The following CACNG8 variants were observed in gnomAD, a reference collection of about 807,000 sequenced individuals.
CACNG8 encodes the protein calcium voltage-gated channel auxiliary subunit gamma 8.
Under a neutral mutation model 26.9 loss-of-function variants are expected in CACNG8, and 5 were observed. That is an observed-to-expected ratio of 0.19 (90% CI 0.10 to 0.39). The LOEUF is 0.39. Ranked by LOEUF, CACNG8 falls within the 10% of genes least tolerant of loss-of-function variation. CACNG8 has a pLI of 1.00. For missense variants in CACNG8, 473 were observed against 609.4 expected (o/e 0.78, Z 2.36); for synonymous variants, 321 against 296.7 (o/e 1.08, Z -0.84).
At position 53,986,496 on chromosome 19, in the gene CACNG8, T is replaced by TG. The variant is rs1252532856; in HGVS notation, c.*3650dup. 10 of 152,264 alleles carry TG rather than the reference T, an allele frequency of 6.6e-5. No homozygotes were observed. The highest frequency in any genetic ancestry group is 1.9e-4 in the African/African-American group (8 of 41,564). The allele number at this position is 152,264 out of a possible 1,614,324, so 9.4% of individuals were successfully genotyped here. A position where few individuals can be genotyped will look rare whatever the true frequency, so the allele number is the denominator to read the frequency against. ...GCTCATGCCTGTAATCCCAGCACTT[T>TG]GGGAGGCCGAGGCTGGTGGATCACT... is the stretch of plus-strand genomic sequence containing the variant. On this transcript the variant is annotated 3_prime_UTR_variant, in exon 4 of 4. Transcript: ENST00000270458.
chr19:53,982,771 G>T lies in CACNG8; in HGVS notation c.1200G>T (p.Ala400=). 7.8e-7 allele frequency: 1 copy of T among 1,274,060 alleles called. No individual in the cohort carries two copies. The highest frequency in any genetic ancestry group is 9.9e-7 in the Non-Finnish European group (1 of 1,008,824). The allele number at this position is 1,274,060 out of a possible 1,614,324, so 78.9% of individuals were successfully genotyped here. ...CGCCCGCGCCACCCGCGCCCTCTGC[G>T]CCCGCCCCCGGGACCCTGGCCAAGG... Residue 400 remains alanine (A), a synonymous_variant, in exon 4 of 4, where the codon GCG becomes GCT. Transcript: ENST00000270458. This position sits in a 1 kb window ranked among gnomAD's most constrained non-coding sequence, Gnocchi z 8.4.
chr19:53,979,929 G>C lies in CACNG8; in HGVS notation c.430G>C (p.Val144Leu). The C allele has an allele frequency of 6.2e-7, 1 of 1,613,450 alleles. No homozygotes were observed. The highest frequency in any genetic ancestry group is 8.5e-7 in the Non-Finnish European group (1 of 1,179,658). ...CGCCATCCTGCTGCTGCTCGGGGGT[G>C]TGTGCGTGGCGGCCTCCCGCGTCTA... Residue 144 changes from valine (V) to leucine (L), a missense_variant, in exon 3 of 4, where the codon GTG (valine) becomes CTG (leucine). Around this residue, in one of 6 missense-constraint regions of CACNG8, gnomAD observed 155 missense variants for 253.0 expected, o/e 0.61. Coordinates refer to ENST00000270458, the MANE Select transcript of CACNG8 (RefSeq NM_031895.6).
intron 1 of CACNG8, among the ~76,000 whole-genome samples, chr19:53,965,928 A>C (rs976302278): frequency 4.6e-5 from 7 of 152,132 alleles, no homozygotes; most frequent in African/African-American, 1.7e-4. Flanking sequence ...TAGCAGGCGC[A>C]GAGGCCCTGA....
At position 53,989,594 on chromosome 19, in the gene CACNG8, G is replaced by A. The variant is rs1330798825; in HGVS notation, c.*6745G>A. The A allele has an allele frequency of 1.3e-5, 2 of 152,296 alleles. No homozygotes were observed. The highest frequency in any genetic ancestry group is 2.9e-5 in the Non-Finnish European group (2 of 68,066). 9.4% of individuals were successfully genotyped at this position (152,296 alleles called of 1,614,324 possible). Reference sequence around the variant, plus strand: ...TCCCATCTCTGCCTTCAGAGGGGGGGACAGGTAGTCCAGACAATTAGAATA... The same window carrying A: ...TCCCATCTCTGCCTTCAGAGGGGGGAACAGGTAGTCCAGACAATTAGAATA... On this transcript the variant is annotated 3_prime_UTR_variant, in exon 4 of 4. Transcript: ENST00000270458.
chr19:53,963,515 G>C (rs1219645249), intron 1 of CACNG8, 90 bp downstream of exon 1: 56 of 1,289,558 alleles, frequency 4.3e-5, no homozygotes, highest in Admixed American at 9.7e-5. Context: ...TGATCCTGGG[G>C]CCCCCTTGGG....
At chr19:53,968,245 C>A (rs944184056) in intron 1 of CACNG8, among the ~76,000 whole-genome samples, 1 of 151,700 alleles carries the variant, frequency 6.6e-6, no homozygotes, top group Non-Finnish European at 1.5e-5. Flanking sequence ...AGTGCTGGTG[C>A]GTGCCTGTGG....
In CACNG8 at chr19:53,983,090, C is replaced by T. The variant is rs1306375463; in HGVS notation, c.*241C>T. The T allele has an allele frequency of 6.5e-6, 1 of 154,772 alleles. No individual in the cohort carries two copies. Among genetic ancestry groups the T allele is most frequent in the Non-Finnish European group, 1.2e-5 (1 of 81,054 alleles). The allele number at this position is 154,772 out of a possible 1,614,324, so 9.6% of individuals were successfully genotyped here. A position where few individuals can be genotyped will look rare whatever the true frequency, so the allele number is the denominator to read the frequency against. The stretch of plus-strand genomic sequence containing the variant: ...GTCGTGTTTTATTTTTTTGGGGGAT[C>T]TATGGGGAGGGGGGAGGGCCATGGT... On this transcript the variant is annotated 3_prime_UTR_variant, in exon 4 of 4. Coordinates refer to ENST00000270458, the MANE Select transcript of CACNG8 (RefSeq NM_031895.6).
intron 1 of CACNG8, among the ~76,000 whole-genome samples, chr19:53,977,124 C>T (rs541918579): frequency 6.6e-6 from 1 of 152,188 alleles, no homozygotes; most frequent in African/African-American, 2.4e-5. Context: ...TAATGCATGT[C>T]CTACGGGGCA....
In CACNG8 at chr19:53,986,147, A is replaced by G. The variant is rs537472284; in HGVS notation, c.*3298A>G. On this transcript the variant is annotated 3_prime_UTR_variant, in exon 4 of 4. Coordinates refer to ENST00000270458, the MANE Select transcript of CACNG8 (RefSeq NM_031895.6). ...AAATCAGAGAAGTCCCAGAGATAGCAGAAACACACACAGAGACAGAGATAG... is the reference window on the plus strand; with the variant it reads ...AAATCAGAGAAGTCCCAGAGATAGCGGAAACACACACAGAGACAGAGATAG... The G allele has an allele frequency of 1.3e-5, 2 of 152,730 alleles. No individual in the cohort carries two copies. Among genetic ancestry groups the G allele is most frequent in the East Asian group, 3.9e-4 (2 of 5,174 alleles). 9.5% of individuals were successfully genotyped at this position (152,730 alleles called of 1,614,324 possible).
chr19:53,986,633 G>T lies in CACNG8; in HGVS notation c.*3784G>T, dbSNP rs2069409686. The T allele has an allele frequency of 6.6e-6, 1 of 152,210 alleles. No homozygotes were observed. The highest frequency in any genetic ancestry group is 6.5e-5 in the Admixed American group (1 of 15,272). 9.4% of individuals were successfully genotyped at this position (152,210 alleles called of 1,614,324 possible). The stretch of plus-strand genomic sequence containing the variant: ...TGTGCCTGTAGTCCCAGCTACTTGG[G>T]AGGCTGAGAAAGAAGGATCACTTGA... On this transcript the variant is annotated 3_prime_UTR_variant, in exon 4 of 4. Coordinates refer to ENST00000270458, the MANE Select transcript of CACNG8 (RefSeq NM_031895.6).
At chr19:53,968,799 A>T (rs1323537046) in intron 1 of CACNG8, among the ~76,000 whole-genome samples, 1 of 128,168 alleles carries the variant, frequency 7.8e-6, no homozygotes, top group Non-Finnish European at 1.6e-5. Context: ...AAAGGGAGGG[A>T]GGTGAGAAGT....
intron 1 of CACNG8, among the ~76,000 whole-genome samples, chr19:53,973,837 A>G (rs1245551443): frequency 6.6e-6 from 1 of 152,262 alleles, no homozygotes; most frequent in Admixed American, 6.5e-5. Flanking sequence ...AAAAAAAAGA[A>G]AGAAAGGAGG....
intron 1 of CACNG8, among the ~76,000 whole-genome samples, chr19:53,968,063 CAGAT>C (rs1262113437): frequency 6.6e-6 from 1 of 151,874 alleles, no homozygotes; most frequent in African/African-American, 2.4e-5. Flanking sequence ...ATAGATGAAT[CAGAT>C]GGATGGAATC....
At chr19:53,979,099 A>C (rs2069348307) in intron 2 of CACNG8, among the ~76,000 whole-genome samples, 1 of 145,784 alleles carries the variant, frequency 6.9e-6, no homozygotes, top group Non-Finnish European at 1.5e-5. Flanking sequence ...GTGAAGCCAG[A>C]CAGAAAAAGT....
chr19:53,971,121 G>A (rs1397234242), intron 1 of CACNG8, among the ~76,000 whole-genome samples: 3 of 151,202 alleles, frequency 2.0e-5, no homozygotes, highest in Non-Finnish European at 3.0e-5. Context: ...GTGAAACCCC[G>A]TCTCTACTAA....
At position 53,986,247 on chromosome 19, in the gene CACNG8, G is replaced by T. The variant is rs1474202362; in HGVS notation, c.*3398G>T. On this transcript the variant is annotated 3_prime_UTR_variant, in exon 4 of 4. Transcript: ENST00000270458. Reference sequence around the variant, plus strand: ...ACGTGGAGACTCAGAAGCAAGCGCAGCGTCAAGGAATGCTCCATTTCTGGT... The same window carrying T: ...ACGTGGAGACTCAGAAGCAAGCGCATCGTCAAGGAATGCTCCATTTCTGGT... 1 of 152,444 alleles carries T rather than the reference G, an allele frequency of 6.6e-6. No homozygotes were observed. Among genetic ancestry groups the T allele is most frequent in the Non-Finnish European group, 1.5e-5 (1 of 68,054 alleles). The allele number at this position is 152,444 out of a possible 1,614,324, so 9.4% of individuals were successfully genotyped here. A position where few individuals can be genotyped will look rare whatever the true frequency, so the allele number is the denominator to read the frequency against.
Position 53,987,318 on chromosome 19 carries a change from C to T in CACNG8, c.*4469C>T, listed in dbSNP as rs994257637. On this transcript the variant is annotated 3_prime_UTR_variant, in exon 4 of 4. Transcript: ENST00000270458. ...TTCCTGGCTTCAAATGATCCACCTG[C>T]CTCGGCCTCCCAAAATGCTGGGATT... 1 of 152,238 alleles carries T rather than the reference C, an allele frequency of 6.6e-6. No individual in the cohort carries two copies. Among genetic ancestry groups the T allele is most frequent in the Non-Finnish European group, 1.5e-5 (1 of 68,058 alleles). 9.4% of individuals were successfully genotyped at this position (152,238 alleles called of 1,614,324 possible). A position where few individuals can be genotyped will look rare whatever the true frequency, so the allele number is the denominator to read the frequency against.
At chr19:53,975,454 G>A (rs969581305) in intron 1 of CACNG8, among the ~76,000 whole-genome samples, 6 of 151,872 alleles carry the variant, frequency 4.0e-5, no homozygotes, top group Admixed American at 1.3e-4. Context: ...ATCTCAGCGC[G>A]CTGCAACCTC....
chr19:53,980,079 TGTGTGTGCGCGCGCGCGC>T, intron 3 of CACNG8, 72 bp downstream of exon 3: 4 of 1,419,594 alleles, frequency 2.8e-6, no homozygotes, highest in Non-Finnish European at 2.8e-6. Flanking sequence ...TGTGTGTGTG[TGTGTGTGCGCGCGCGCGC>T]GTGAGTGCAA....
Sources: gnomAD v4.1 joint callset for allele counts (sites outside exome capture counted in the v4.1 genomes callset) on GRCh38, gnomAD v4.1.1 for gene constraint, gnomAD v4.1.1 regional missense constraint, Gnocchi (gnomAD v3.1) non-coding constraint, MANE v1.5 for transcripts, NCBI Gene and HGNC (gene_info 2026-07-23, HGNC 2026-07-21) for gene names.